Variants in ZNF90 observed in about 807,000 individuals in gnomAD.
The protein encoded by ZNF90 is zinc finger protein HTF9.
A neutral mutation model predicts 12.0 loss-of-function variants in ZNF90; 11 were observed. The observed-to-expected ratio is 0.92, with a 90% CI of 0.58 to 1.52. The LOEUF (loss-of-function observed/expected upper bound fraction) is 1.52. Ranked by LOEUF, ZNF90 falls within the 40% of genes most tolerant of loss-of-function variation. The pLI is 0.00. For missense variants in ZNF90, 765 were observed against 711.5 expected, an observed-to-expected ratio of 1.08 and a Z score of -0.86; for synonymous variants, 232 against 240.1, an observed-to-expected ratio of 0.97 and a Z score of 0.31.
At chr19:20,079,839 C>T (rs1055430683) in intron 1 of ZNF90, 44 of 363,396 alleles carry the variant, frequency 1.2e-4, no homozygotes, top group African/African-American at 8.7e-4. Context: ...CACCCTGTCC[C>T]GGCCCTGAAG....
chr19:20,079,937 CTT>C (rs113327735), intron 1 of ZNF90: 6,670 of 315,578 alleles, frequency 0.021, 46 homozygotes, highest in African/African-American at 0.053. Flanking sequence ...CGTATTTCCT[CTT>C]TTTTTTTTTT....
At position 20,119,200 on chromosome 19, in the gene ZNF90, C is replaced by G; in HGVS notation, c.1646C>G (p.Ser549Cys). The change falls in exon 4 of 4, where the codon TCC (serine) becomes TGC (cysteine). Residue 549 changes from serine (S) to cysteine (C), a missense_variant. Coordinates refer to ENST00000418063, the MANE Select transcript of ZNF90 (RefSeq NM_007138.2). ...CEECGKAFKR[S>C]SQLTSHKISH... ...GAATGTGGCAAAGCCTTTAAGCGCT[C>G]CTCACAGCTTACTAGTCATAAGATA... 6.2e-7 allele frequency: 1 copy of G among 1,613,770 alleles called. No homozygotes were observed. The highest frequency in any genetic ancestry group is 8.5e-7 in the Non-Finnish European group (1 of 1,179,864).
intron 3 of ZNF90, among the ~76,000 whole-genome samples, chr19:20,114,663 A>G (rs559356575): frequency 7.2e-5 from 11 of 152,260 alleles, no homozygotes; most frequent in Non-Finnish European, 1.6e-4. Context: ...TCAGCTTTAA[A>G]AAATGTGTTA....
intron 1 of ZNF90, 133 bp downstream of exon 1, chr19:20,078,268 G>C (rs1444947521): frequency 1.6e-6 from 2 of 1,213,002 alleles, no homozygotes; most frequent in African/African-American, 3.0e-5. Flanking sequence ...TGCCCAGTTC[G>C]GCCTCAGTCC....
chr19:20,089,804 G>A (rs2088887967), intron 1 of ZNF90, among the ~76,000 whole-genome samples: 1 of 152,124 alleles, frequency 6.6e-6, no homozygotes, highest in African/African-American at 2.4e-5. Context: ...TGCCCAGTCT[G>A]TCTGTAAGGT....
At chr19:20,086,935 A>T (rs1454137210) in intron 1 of ZNF90, 1 of 152,224 alleles carries the variant, frequency 6.6e-6, no homozygotes, top group African/African-American at 2.4e-5. Context: ...CCCAAAAACT[A>T]TAATGGTTCT....
At chr19:20,110,500 A>G (rs112621764) in intron 3 of ZNF90, among the ~76,000 whole-genome samples, 65 of 152,258 alleles carry the variant, frequency 4.3e-4, no homozygotes, top group African/African-American at 1.6e-3. Context: ...TCCTGACGTC[A>G]GGTGATCTGC....
chr19:20,079,953 G>A, intron 1 of ZNF90: 1 of 153,106 alleles, frequency 6.5e-6, no homozygotes, highest in Admixed American at 8.5e-5. Context: ...TTTTTTTTTT[G>A]AGATGAAGTT....
intron 3 of ZNF90, among the ~76,000 whole-genome samples, chr19:20,115,608 C>T (rs1308633339): frequency 4.6e-5 from 7 of 151,472 alleles, no homozygotes; most frequent in Non-Finnish European, 8.8e-5. Flanking sequence ...TCTGCTGCTC[C>T]GAAAATGCTC....
Position 20,080,066 on chromosome 19 carries a change from G to A in ZNF90, c.3+1931G>A, listed in dbSNP as rs187485128. The A allele has an allele frequency of 5.3e-5, 18 of 340,386 alleles. 1 individual carries two copies. The highest frequency in any genetic ancestry group is 2.6e-4 in the African/African-American group (12 of 45,920). The allele number at this position is 340,386 out of a possible 1,614,324, so 21.1% of individuals were successfully genotyped here. A position where few individuals can be genotyped will look rare whatever the true frequency, so the allele number is the denominator to read the frequency against. Reference sequence around the variant, plus strand: ...TTCTCCTGCCTCAGCCTCCCGAGTAGCTGGGATTACAGGCATGCACCACCA... The same window carrying A: ...TTCTCCTGCCTCAGCCTCCCGAGTAACTGGGATTACAGGCATGCACCACCA... On this transcript the variant is annotated intron_variant, in intron 1 of 3. Coordinates refer to ENST00000418063, the MANE Select transcript of ZNF90 (RefSeq NM_007138.2).
chr19:20,109,926 C>T (rs528311479), intron 3 of ZNF90, among the ~76,000 whole-genome samples: 39 of 152,200 alleles, frequency 2.6e-4, no homozygotes, highest in Middle Eastern at 3.4e-3. Flanking sequence ...AAACTTAGTA[C>T]CCATTAAGAA....
At position 20,105,220 on chromosome 19, in the gene ZNF90, G is replaced by C. The variant is rs1555704268; in HGVS notation, c.131-1G>C. 1.6e-5 allele frequency: 26 copies of C among 1,597,210 alleles called. No individual in the cohort carries two copies. The highest frequency in any genetic ancestry group is 2.1e-5 in the Non-Finnish European group (25 of 1,171,376). ...CATGTTATTTATTTTTAATAAAACAGGTATTGTTGTCACTAAGCCAGACCT... is the reference window on the plus strand; with the variant it reads ...CATGTTATTTATTTTTAATAAAACACGTATTGTTGTCACTAAGCCAGACCT... On this transcript the variant is annotated splice_acceptor_variant, in intron 2 of 3. Coordinates refer to ENST00000418063, the MANE Select transcript of ZNF90 (RefSeq NM_007138.2). LOFTEE classifies it high-confidence loss of function.
rs1159043672 is a variant in ZNF90 at position 20,119,240 on chromosome 19, G to T, written c.1686G>T (p.Glu562Asp). Residue 562 changes from glutamate (E) to aspartate (D), a missense_variant, in exon 4 of 4, where the codon GAG becomes GAT. Glu to Asp is a conservative substitution (Grantham distance 45). Transcript: ENST00000418063. ...GTCATAAGATAAGTCATACTGGAGA[G>T]AAACCCTACAAATGTGAAGAATGTG... is the stretch of plus-strand genomic sequence containing the variant. The part of the protein sequence containing the change: ...LTSHKISHTG[E>D]KPYKCEECGK... The T allele has an allele frequency of 1.2e-6, 2 of 1,613,810 alleles. No homozygotes were observed. The highest frequency in any genetic ancestry group is 2.7e-5 in the African/African-American group (2 of 74,934).
intron 3 of ZNF90, chr19:20,107,165 T>G: frequency 2.7e-6 from 1 of 370,440 alleles, no homozygotes; most frequent in South Asian, 2.0e-5. Flanking sequence ...ATTGAACCGC[T>G]TCAGGGACCC....
chr19:20,078,244 G>T, intron 1 of ZNF90, 109 bp downstream of exon 1: 1 of 1,427,854 alleles, frequency 7.0e-7, no homozygotes, highest in Non-Finnish European at 9.8e-7. Context: ...CACAATCTGC[G>T]ACCGACTTCT....
intron 1 of ZNF90, among the ~76,000 whole-genome samples, chr19:20,101,693 TATTCTCCAGATGCAG>T (rs1555703917): frequency 2.0e-5 from 3 of 152,182 alleles, no homozygotes; most frequent in Non-Finnish European, 2.9e-5. Flanking sequence ...TTTAAAGGCA[TATTCTCCAGATGCAG>T]GTGTAATTTC....
At chr19:20,112,049 G>A (rs2089094044) in intron 3 of ZNF90, among the ~76,000 whole-genome samples, 1 of 151,794 alleles carries the variant, frequency 6.6e-6, no homozygotes, top group Admixed American at 6.6e-5. Context: ...AGTAGAGAGA[G>A]CGTTTCACAA....
intron 1 of ZNF90, among the ~76,000 whole-genome samples, chr19:20,102,670 A>G (rs2088998928): frequency 6.6e-6 from 1 of 152,236 alleles, no homozygotes; most frequent in Admixed American, 6.5e-5. Context: ...TAGCTGTTGA[A>G]CATGAAAAGA....
rs2088791561 is a variant in ZNF90, at chr19:20,078,137, T to C, written c.3+2T>C. 1 of 1,613,908 alleles carries C rather than the reference T, an allele frequency of 6.2e-7. No homozygotes were observed. Among genetic ancestry groups the C allele is most frequent in the Non-Finnish European group, 8.5e-7 (1 of 1,180,006 alleles). ...GGGACCCCCGGAAGCCTAGAAATGG[T>C]GAGAGTGCCTTTCCAGCATTCCGAG... On this transcript the variant is annotated splice_donor_variant, in intron 1 of 3. Transcript: ENST00000418063. LOFTEE classifies it high-confidence loss of function.
Sources: gnomAD v4.1 joint callset for allele counts (sites outside exome capture counted in the v4.1 genomes callset) on GRCh38, gnomAD v4.1.1 for gene constraint, MANE v1.5 for transcripts, NCBI Gene and HGNC (gene_info 2026-07-23, HGNC 2026-07-21) for gene names.